The following RAVER2 variants were observed in gnomAD, a reference collection of about 807,000 sequenced individuals.
The protein encoded by RAVER2 is ribonucleoprotein, PTB binding 2.
Under a neutral mutation model 78.1 loss-of-function variants are expected in RAVER2, and 46 were observed. That is an observed-to-expected ratio of 0.59 (90% confidence interval 0.46 to 0.75). The LOEUF (loss-of-function observed/expected upper bound fraction) is 0.75. Among genes scored for constraint, RAVER2 ranks in the 30% least tolerant of loss-of-function variants. The probability of loss-of-function intolerance (pLI) is 0.00; values close to 1 mark genes in which losing one functional copy is unlikely to be tolerated. For synonymous variants in RAVER2, 311 were observed against 313.3 expected (o/e 0.99, Z 0.08); for missense variants, 793 against 837.5 (o/e 0.95, Z 0.66).
chr1:64,775,249 T>A (rs1652429581), intron 2 of RAVER2, among the ~76,000 whole-genome samples: 1 of 152,222 alleles, frequency 6.6e-6, no homozygotes, highest in South Asian at 2.1e-4. Context: ...GAAAGATAGA[T>A]TGGGGAGTAT....
chr1:64,777,611 G>A lies in RAVER2; in HGVS notation c.317-12G>A, dbSNP rs371854784. The stretch of plus-strand genomic sequence containing the variant: ...ATTTGAAAACTCTTTAATTCATTTC[G>A]TTATCTTCCAGCTTTTGTTACCTTA... On this transcript the variant is annotated splice_polypyrimidine_tract_variant and intron_variant, in intron 2 of 11. Coordinates refer to ENST00000294428, the Ensembl canonical transcript of RAVER2. The A allele has an allele frequency of 1.5e-3, 2,369 of 1,580,526 alleles. 2 individuals carry two copies. Among genetic ancestry groups the A allele is most frequent in the Non-Finnish European group, 1.8e-3 (2,060 of 1,160,744 alleles).
At chr1:64,763,412 A>G (rs1652078904) in intron 1 of RAVER2, among the ~76,000 whole-genome samples, 1 of 152,236 alleles carries the variant, frequency 6.6e-6, no homozygotes, top group Non-Finnish European at 1.5e-5. Context: ...TTAAAAGGTC[A>G]GTAATATCAT....
At chr1:64,824,846 G>A (rs747417748) in intron 11 of RAVER2, among the ~76,000 whole-genome samples, 22 of 148,990 alleles carry the variant, frequency 1.5e-4, no homozygotes, top group Admixed American at 4.1e-4. Flanking sequence ...CAGGAGAATC[G>A]CTTGAGCCCG....
At chr1:64,751,247 C>G (rs1651689531) in intron 1 of RAVER2, among the ~76,000 whole-genome samples, 1 of 152,196 alleles carries the variant, frequency 6.6e-6, no homozygotes, top group East Asian at 1.9e-4. Flanking sequence ...ATTTTAGCCT[C>G]TATTTAAGTT....
In RAVER2 at chr1:64,807,492, G is replaced by A. The variant is rs1415260505; in HGVS notation, c.1680+18G>A. 2 of 1,610,592 alleles carry A rather than the reference G, an allele frequency of 1.2e-6. No homozygotes were observed. Among genetic ancestry groups the A allele is most frequent in the Non-Finnish European group, 1.7e-6 (2 of 1,177,688 alleles). ...GTTCAGGGGTAAGAAAACTGTGGGT[G>A]CACACAGATGTATATATACATGTAT... On this transcript the variant is annotated intron_variant, in intron 9 of 11. Transcript: ENST00000294428.
intron 1 of RAVER2, among the ~76,000 whole-genome samples, chr1:64,765,211 A>G (rs886869069): frequency 6.6e-6 from 1 of 152,192 alleles, no homozygotes; most frequent in Non-Finnish European, 1.5e-5. Context: ...TTCCTCATAA[A>G]GTTGATCATA....
chr1:64,832,461 T>TAAG (rs1557611486), exon 12 of RAVER2: 2 of 152,540 alleles, frequency 1.3e-5, no homozygotes, highest in Non-Finnish European at 1.5e-5. Flanking sequence ...TAGAAATTTC[T>TAAG]AAGTTTGTTT....
chr1:64,776,825 A>G (rs986497790), intron 2 of RAVER2, among the ~76,000 whole-genome samples: 1 of 152,226 alleles, frequency 6.6e-6, no homozygotes, highest in Non-Finnish European at 1.5e-5. Flanking sequence ...ATGAATGTAC[A>G]TAATATTTCA....
At chr1:64,762,319 A>G (rs1652044644) in intron 1 of RAVER2, among the ~76,000 whole-genome samples, 1 of 152,168 alleles carries the variant, frequency 6.6e-6, no homozygotes, top group Non-Finnish European at 1.5e-5. Context: ...TGGAAGACTC[A>G]GTATCATTTA....
rs754028031 is a variant in RAVER2, at chr1:64,807,233, C to T, written c.1439C>T (p.Thr480Met). Residue 480 changes from threonine to methionine, a missense_variant, in exon 9 of 12, where the codon ACG becomes ATG. Thr to Met is a moderately conservative substitution (Grantham distance 81). Transcript: ENST00000294428. Reference sequence around the variant, plus strand: ...TCTAGCCTGATTCCAACTCAAACAACGATAACAGCTGGAATGGGCATGTTA... The same window carrying T: ...TCTAGCCTGATTCCAACTCAAACAATGATAACAGCTGGAATGGGCATGTTA... 2.2e-5 allele frequency: 35 copies of T among 1,613,774 alleles called. No individual in the cohort carries two copies. The highest frequency in any genetic ancestry group is 1.6e-4 in the East Asian group (7 of 44,886).
chr1:64,822,178 C>T (rs547950080), intron 11 of RAVER2, among the ~76,000 whole-genome samples: 1 of 152,214 alleles, frequency 6.6e-6, no homozygotes, highest in South Asian at 2.1e-4. Flanking sequence ...GTCCCAGCTA[C>T]TCGGGAGGCT....
chr1:64,800,962 A>G (rs1413724014), intron 5 of RAVER2, among the ~76,000 whole-genome samples: 3 of 151,476 alleles, frequency 2.0e-5, no homozygotes, highest in Non-Finnish European at 4.4e-5. Flanking sequence ...ATGAGGATTT[A>G]TTTCATTTAT....
At chr1:64,769,908 T>A (rs986525337) in intron 2 of RAVER2, among the ~76,000 whole-genome samples, 3 of 152,094 alleles carry the variant, frequency 2.0e-5, no homozygotes, top group East Asian at 3.8e-4. Flanking sequence ...TTTAAACTTT[T>A]CATAAATGGC....
intron 1 of RAVER2, among the ~76,000 whole-genome samples, chr1:64,755,015 A>T (rs1469319389): frequency 6.6e-6 from 1 of 152,216 alleles, no homozygotes; most frequent in African/African-American, 2.4e-5. Flanking sequence ...AGCAGCCCAC[A>T]ACTGACATTT....
intron 4 of RAVER2, among the ~76,000 whole-genome samples, chr1:64,786,054 AGGC>A: frequency 6.6e-6 from 1 of 152,346 alleles, no homozygotes; most frequent in African/African-American, 2.4e-5. Flanking sequence ...CTAAAAATCT[AGGC>A]TCAGAGTTCT....
intron 5 of RAVER2, among the ~76,000 whole-genome samples, chr1:64,793,594 G>C (rs1653003638): frequency 6.6e-6 from 1 of 152,160 alleles, no homozygotes. Flanking sequence ...ACATTAAACT[G>C]TAGGTATTTG....
At chr1:64,830,549 C>A (rs1192048128) in intron 11 of RAVER2, among the ~76,000 whole-genome samples, 1 of 152,170 alleles carries the variant, frequency 6.6e-6, no homozygotes, top group Non-Finnish European at 1.5e-5. Context: ...CTGTGATCAG[C>A]AGAAGCAGCT....
chr1:64,768,545 T>TTA (rs1652233039), intron 1 of RAVER2, 111 bp from the exon 2 acceptor site: 1 of 700,340 alleles, frequency 1.4e-6, no homozygotes. Context: ...TTTTTTTTTT[T>TTA]ACATGGGACA....
At position 64,763,917 on chromosome 1, in the gene RAVER2, T is replaced by TACACACACACACACACAC. The variant is rs58298918; in HGVS notation, c.250-4718_250-4701dup. On this transcript the variant is annotated intron_variant, in intron 1 of 11. Coordinates refer to ENST00000294428, the Ensembl canonical transcript of RAVER2. ...AAACTCCATCTCAAAAAAACAAAAA[T>TACACACACACACACACAC]ACACACACACACACACACACACACA... Among the ~76,000 whole-genome samples the TACACACACACACACACAC allele has an allele frequency of 2.5e-3, 328 of 133,792 alleles. 3 individuals are homozygous for TACACACACACACACACAC. Among genetic ancestry groups the TACACACACACACACACAC allele is most frequent in the East Asian group, 0.017 (73 of 4,370 alleles). The allele number at this position is 133,792 out of a possible 152,430, so 87.8% of individuals were successfully genotyped here.
Sources: allele counts gnomAD v4.1 joint callset (sites outside exome capture counted in the v4.1 genomes callset), GRCh38; gene constraint gnomAD v4.1.1; transcripts MANE v1.5; gene names NCBI Gene and HGNC (gene_info 2026-07-23, HGNC 2026-07-21).